Variants in ESRRG observed in about 807,000 individuals in gnomAD.
The protein encoded by ESRRG is estrogen-related receptor gamma.
ESRRG carries 13 observed loss-of-function variants against 44.0 expected under a neutral mutation model. That is an observed-to-expected ratio of 0.30 (90% CI 0.19 to 0.47). ESRRG has a LOEUF of 0.47. ESRRG is among the 20% of genes least tolerant of loss of function. The pLI, the probability that ESRRG is intolerant of heterozygous loss-of-function variation, is 1.00. For missense variants in ESRRG, 395 were observed against 580.6 expected, an observed-to-expected ratio of 0.68 and a Z score of 3.29; for synonymous variants, 215 against 214.6, an observed-to-expected ratio of 1.00 and a Z score of -0.02.
At position 216,749,462 on chromosome 1, in the gene ESRRG, C is replaced by T. The variant is rs1338241284; in HGVS notation, c.-13-71971G>A. ...ATAGGGAATACGCTGTGTGTGGGTC[C>T]ACAGGAGCACAATGTTCTTCATAAC... On this transcript the variant is annotated intron_variant, in intron 2 of 7. Coordinates refer to the ESRRG transcript ENST00000359162. Among the ~76,000 whole-genome samples the T allele has an allele frequency of 2.0e-5, 3 of 152,118 alleles. No homozygotes were observed. In the East Asian group the frequency reaches 5.8e-4, roughly 29 times the overall value.
chr1:216,943,956 C>T (rs755057730), intron 1 of ESRRG, among the ~76,000 whole-genome samples: 6 of 152,050 alleles, frequency 3.9e-5, no homozygotes, highest in African/African-American at 7.2e-5. Context: ...CTCCCCCCTG[C>T]CAGGAAACTT....
intron 1 of ESRRG, among the ~76,000 whole-genome samples, chr1:217,119,860 T>C (rs1580625356): frequency 1.3e-5 from 2 of 152,216 alleles, no homozygotes; most frequent in African/African-American, 4.8e-5. Flanking sequence ...TCCTTCCTAT[T>C]ACTGGTGTGG....
At chr1:217,107,016 A>G (rs540132070) in intron 1 of ESRRG, among the ~76,000 whole-genome samples, 2 of 152,314 alleles carry the variant, frequency 1.3e-5, no homozygotes, top group South Asian at 4.1e-4. Flanking sequence ...ATAGATCTGG[A>G]TGTATGGATT....
At chr1:216,785,733 A>G (rs561064060) in intron 2 of ESRRG, among the ~76,000 whole-genome samples, 24 of 152,132 alleles carry the variant, frequency 1.6e-4, no homozygotes, top group Admixed American at 1.6e-3. Flanking sequence ...AATTTTTAGC[A>G]AGTCATTAAC....
At chr1:216,657,184 AAAT>A (rs1010009105) in intron 2 of ESRRG, among the ~76,000 whole-genome samples, 35 of 152,216 alleles carry the variant, frequency 2.3e-4, no homozygotes, top group African/African-American at 8.0e-4. Flanking sequence ...CTGAAAGAGA[AAAT>A]AATACTATCT....
intron 1 of ESRRG, among the ~76,000 whole-genome samples, chr1:217,135,411 C>G (rs533665244): frequency 2.6e-5 from 4 of 152,042 alleles, no homozygotes; most frequent in South Asian, 4.2e-4. Context: ...AGAGATACAG[C>G]GAAATAGAGA....
intron 3 of ESRRG, among the ~76,000 whole-genome samples, chr1:216,590,804 ACT>A (rs1462177775): frequency 1.3e-5 from 2 of 152,032 alleles, no homozygotes; most frequent in African/African-American, 4.8e-5. Context: ...TCTCAATTAG[ACT>A]CCAATTCAAT....
intron 2 of ESRRG, among the ~76,000 whole-genome samples, chr1:216,799,233 T>C (rs748164592): frequency 6.6e-6 from 1 of 152,114 alleles, no homozygotes; most frequent in Non-Finnish European, 1.5e-5. Context: ...ACTCAGGAAT[T>C]CCGATAAACA....
chr1:216,582,236 C>T (rs2062921289), intron 3 of ESRRG, among the ~76,000 whole-genome samples: 1 of 152,120 alleles, frequency 6.6e-6, no homozygotes, highest in Non-Finnish European at 1.5e-5. Flanking sequence ...CACATCCAGA[C>T]CTAGCACCTG....
chr1:216,552,829 C>G (rs552979330), intron 5 of ESRRG, among the ~76,000 whole-genome samples: 67 of 152,214 alleles, frequency 4.4e-4, no homozygotes, highest in Middle Eastern at 3.4e-3. Context: ...ACAAAGCTTC[C>G]TCTAGACATG....
intron 2 of ESRRG, among the ~76,000 whole-genome samples, chr1:216,827,559 C>T (rs1376410959): frequency 6.6e-6 from 1 of 152,180 alleles, no homozygotes; most frequent in East Asian, 1.9e-4. Flanking sequence ...CTTTAAAATT[C>T]TCTAGCTATC....
chr1:216,820,482 C>G (rs1263398658), intron 2 of ESRRG, among the ~76,000 whole-genome samples: 2 of 152,186 alleles, frequency 1.3e-5, no homozygotes, highest in Non-Finnish European at 2.9e-5. Flanking sequence ...GATCATGACA[C>G]AGTGATCTTA....
chr1:217,100,865 C>G (rs546504421), intron 1 of ESRRG, among the ~76,000 whole-genome samples: 3 of 152,184 alleles, frequency 2.0e-5, no homozygotes, highest in African/African-American at 7.2e-5. Context: ...GATCCAAACA[C>G]CTCCCACCTT....
intron 2 of ESRRG, among the ~76,000 whole-genome samples, chr1:216,675,975 C>G (rs2076038484): frequency 2.0e-5 from 3 of 152,152 alleles, no homozygotes; most frequent in Admixed American, 2.0e-4. Context: ...TCCACTGATT[C>G]CAATGAGCTG....
intron 1 of ESRRG, among the ~76,000 whole-genome samples, chr1:217,068,091 C>T (rs1288228363): frequency 6.6e-6 from 1 of 152,222 alleles, no homozygotes; most frequent in Middle Eastern, 3.2e-3. Context: ...GGTCATTTCT[C>T]TCTGCATAGA....
chr1:216,982,901 TCTTCACACACAAG>T (rs1476178739), intron 1 of ESRRG, among the ~76,000 whole-genome samples: 2 of 152,166 alleles, frequency 1.3e-5, no homozygotes, highest in Non-Finnish European at 2.9e-5. Flanking sequence ...AATAATTTTA[TCTTCACACACAAG>T]ATAACATGAG....
intron 4 of ESRRG, 115 bp from the exon 5 acceptor site, chr1:216,564,495 A>C: frequency 1.3e-6 from 1 of 751,066 alleles, no homozygotes. Context: ...ATAAACGCTA[A>C]ATATTCCAAT....
In ESRRG at chr1:216,902,371, C is replaced by T. The variant is rs2059180250; in HGVS notation, c.-14+37211G>A. ...TGGTGTGGTGGTGGGTGCCTATAATCCTAGCTACTTGGGAGGCTGAGGCAG... is the reference window on the plus strand; with the variant it reads ...TGGTGTGGTGGTGGGTGCCTATAATTCTAGCTACTTGGGAGGCTGAGGCAG... On this transcript the variant is annotated intron_variant, in intron 2 of 7. Coordinates refer to the ESRRG transcript ENST00000359162. Among the ~76,000 whole-genome samples the T allele has an allele frequency of 2.0e-5, 3 of 151,948 alleles. No homozygotes were observed. In the South Asian group the frequency reaches 6.2e-4, roughly 31 times the overall value.
chr1:216,664,668 C>T (rs10779272), intron 2 of ESRRG, among the ~76,000 whole-genome samples: 80,385 of 146,396 alleles, frequency 0.55, 24,629 homozygotes, highest in Middle Eastern at 0.71. Flanking sequence ...TCACCTCCTA[C>T]CCATTAGGAT....
Sources: gnomAD v4.1 joint callset for allele counts (sites outside exome capture counted in the v4.1 genomes callset) on GRCh38, gnomAD v4.1.1 for gene constraint, MANE v1.5 for transcripts, NCBI Gene and HGNC (gene_info 2026-07-23, HGNC 2026-07-21) for gene names.